LRRC49: variants seen among roughly 807,000 people sequenced by gnomAD.
The protein encoded by LRRC49 is leucine-rich repeat-containing protein 49.
A neutral mutation model predicts 83.3 loss-of-function variants in LRRC49; 50 were observed. The ratio of observed to expected loss-of-function variants is 0.60; its 90% CI spans 0.48 to 0.76. LRRC49 has a LOEUF of 0.76. LRRC49 is among the 30% of genes least tolerant of loss of function. LRRC49 has a pLI of 0.00. For missense variants in LRRC49, 704 were observed against 809.1 expected (o/e 0.87, Z 1.58); for synonymous variants, 286 against 283.3 (o/e 1.01, Z -0.10).
At chr15:71,012,991 C>T in intron 14 of LRRC49, 78 bp downstream of exon 14, 1 of 873,716 alleles carries the variant, frequency 1.1e-6, no homozygotes, top group Non-Finnish European at 1.8e-6. Context: ...TACCTCCTAA[C>T]TATGCTAATT....
At position 70,984,178 on chromosome 15, in the gene LRRC49, G is replaced by T; in HGVS notation, c.1090G>T (p.Asp364Tyr). The T allele has an allele frequency of 6.2e-7, 1 of 1,613,400 alleles. No individual in the cohort carries two copies. The highest frequency in any genetic ancestry group is 1.1e-5 in the South Asian group (1 of 91,044). Residue 364 changes from aspartate to tyrosine, a missense_variant, in exon 11 of 16, where the codon GAT becomes TAT. Physicochemically the swap from Asp to Tyr is radical, Grantham distance 160. Around this residue, in one of 3 missense-constraint regions of LRRC49, gnomAD observed 168 missense variants for 140.6 expected, o/e 1.20. Transcript: ENST00000260382. ...QRVANIATNE[D>Y]RKDSDSPQDP... Reference sequence around the variant, plus strand: ...AGTAGCCAATATTGCTACAAATGAAGATAGAAAAGATTCTGACTCTCCTCA... The same window carrying T: ...AGTAGCCAATATTGCTACAAATGAATATAGAAAAGATTCTGACTCTCCTCA...
At position 71,010,417 on chromosome 15, in the gene LRRC49, A is replaced by T. The variant is rs12595354; in HGVS notation, c.1593+425A>T. Among the ~76,000 whole-genome samples the T allele has an allele frequency of 5.3e-3, 799 of 152,056 alleles. 54 individuals are homozygous for T. In the East Asian group the frequency reaches 0.13, roughly 24 times the overall value. ...AACTAATAAGGGTATTGTGGTAGAGAAAGGGAAGAATAAAATGGAAAAAAA... is the reference window on the plus strand; with the variant it reads ...AACTAATAAGGGTATTGTGGTAGAGTAAGGGAAGAATAAAATGGAAAAAAA... On this transcript the variant is annotated intron_variant, in intron 13 of 15. Transcript: ENST00000260382.
At chr15:71,030,305 G>T (rs1035194376) in intron 14 of LRRC49, among the ~76,000 whole-genome samples, 2 of 152,106 alleles carry the variant, frequency 1.3e-5, no homozygotes, top group African/African-American at 4.8e-5. Context: ...GAAATTCTGG[G>T]TTGAAAATTC....
intron 7 of LRRC49, among the ~76,000 whole-genome samples, chr15:70,931,391 G>A (rs2141149910): frequency 1.3e-5 from 2 of 152,168 alleles, no homozygotes; most frequent in South Asian, 4.1e-4. Context: ...ACAGATCACT[G>A]ATCACGGATA....
chr15:70,973,506 G>C (rs1258476896), intron 9 of LRRC49, among the ~76,000 whole-genome samples: 2 of 152,210 alleles, frequency 1.3e-5, no homozygotes, highest in Non-Finnish European at 1.5e-5. Context: ...CAGAGCTCGA[G>C]CACTCTGCTG....
At chr15:70,867,222 C>G (rs904411212) in intron 1 of LRRC49, among the ~76,000 whole-genome samples, 1 of 151,938 alleles carries the variant, frequency 6.6e-6, no homozygotes, top group African/African-American at 2.4e-5. Flanking sequence ...CAGACACTCT[C>G]CAGAGAAAGA....
At chr15:70,892,241 C>T (rs774692275), upstream of LRRC49, 7 of 1,584,060 alleles carry the variant, frequency 4.4e-6, no homozygotes, top group Non-Finnish European at 5.2e-6. Context: ...GGTGGTGTTG[C>T]CGCAGTGGGC....
intron 1 of LRRC49, 136 bp from the exon 2 acceptor site, chr15:70,893,448 A>C (rs2033675098): frequency 1.5e-6 from 1 of 665,130 alleles, no homozygotes; most frequent in Non-Finnish European, 2.7e-6. Context: ...CCTCAGAACA[A>C]GATCATTTAC....
At chr15:70,906,523 T>C (rs2141115659) in intron 5 of LRRC49, among the ~76,000 whole-genome samples, 1 of 152,360 alleles carries the variant, frequency 6.6e-6, no homozygotes, top group East Asian at 1.9e-4. Context: ...TTTAGTGATA[T>C]TTAAAATCAC....
At chr15:70,997,197 G>A (rs564666319) in intron 11 of LRRC49, among the ~76,000 whole-genome samples, 1 of 151,982 alleles carries the variant, frequency 6.6e-6, no homozygotes, top group African/African-American at 2.4e-5. Flanking sequence ...TGTCCATTTT[G>A]CTTCATGTAT....
At chr15:71,012,957 C>G (rs765276646) in intron 14 of LRRC49, 44 bp downstream of exon 14, 2 of 1,237,822 alleles carry the variant, frequency 1.6e-6, no homozygotes, top group South Asian at 2.5e-5. Context: ...TACTGTTACA[C>G]TAGAAAAAGA....
chr15:70,873,868 T>C lies in LRRC49; in HGVS notation c.18+645T>C, dbSNP rs1421968883. Among the ~76,000 whole-genome samples, 193 of 152,254 alleles carry C rather than the reference T, an allele frequency of 1.3e-3. 2 individuals carry two copies. The highest frequency in any genetic ancestry group is 1.3e-4 in the Non-Finnish European group (9 of 68,008). On this transcript the variant is annotated intron_variant, in intron 2 of 16. Coordinates refer to the LRRC49 transcript ENST00000544974. The stretch of plus-strand genomic sequence containing the variant: ...AAGAAGTGGAGAAATAGATTTTACC[T>C]CTTGATGGGAGTGGAAGAATTTTTG...
chr15:70,965,200 A>G (rs2036753108), intron 9 of LRRC49, among the ~76,000 whole-genome samples: 1 of 152,182 alleles, frequency 6.6e-6, no homozygotes, highest in African/African-American at 2.4e-5. Context: ...GATAAGATTT[A>G]GAGCTAACTC....
At chr15:71,047,995 C>T (rs965749360) in intron 15 of LRRC49, among the ~76,000 whole-genome samples, 26 of 151,546 alleles carry the variant, frequency 1.7e-4, no homozygotes, top group African/African-American at 3.6e-4. Flanking sequence ...AGGCTAGTCT[C>T]GAACTCCTGA....
At chr15:70,967,387 C>T (rs545536004) in intron 9 of LRRC49, among the ~76,000 whole-genome samples, 27 of 152,002 alleles carry the variant, frequency 1.8e-4, no homozygotes, top group African/African-American at 4.8e-4. Context: ...GAAGATAGAT[C>T]GGAGAGGATG....
chr15:70,958,330 A>G (rs928663387), intron 8 of LRRC49, among the ~76,000 whole-genome samples: 1 of 152,200 alleles, frequency 6.6e-6, no homozygotes, highest in African/African-American at 2.4e-5. Flanking sequence ...TGCCTTGCTT[A>G]AAATCCCTTC....
rs188623534 is a variant in LRRC49 at position 70,989,299 on chromosome 15, C to T, written c.1169+5042C>T. ...CAATCAGACGTAGATTTGGTCTTTTCATATAGTCCCATAGTTCTTGGAGGC... is the reference window on the plus strand; with the variant it reads ...CAATCAGACGTAGATTTGGTCTTTTTATATAGTCCCATAGTTCTTGGAGGC... On this transcript the variant is annotated intron_variant, in intron 11 of 15. Transcript: ENST00000260382. Among the ~76,000 whole-genome samples, 299 of 152,308 alleles carry T rather than the reference C, an allele frequency of 2.0e-3. 1 individual carries two copies. Among genetic ancestry groups the T allele is most frequent in the Middle Eastern group, 0.017 (5 of 294 alleles).
intron 14 of LRRC49, among the ~76,000 whole-genome samples, chr15:71,017,829 C>T (rs1163089009): frequency 1.3e-5 from 2 of 152,084 alleles, no homozygotes; most frequent in Admixed American, 1.3e-4. Flanking sequence ...TATATTTGAA[C>T]CCAGTAGTTT....
chr15:70,945,639 GTT>G (rs544555851), intron 8 of LRRC49, among the ~76,000 whole-genome samples: 1 of 137,274 alleles, frequency 7.3e-6, no homozygotes, highest in East Asian at 2.1e-4. Context: ...TATTAAAGAT[GTT>G]TTTTTTTTTG....
Sources: gnomAD v4.1 joint callset for allele counts (sites outside exome capture counted in the v4.1 genomes callset) on GRCh38, gnomAD v4.1.1 for gene constraint, gnomAD v4.1.1 regional missense constraint, MANE v1.5 for transcripts, NCBI Gene and HGNC (gene_info 2026-07-23, HGNC 2026-07-21) for gene names.